AMMECR1: variants seen among roughly 807,000 people sequenced by gnomAD.
AMMECR1 encodes the protein nuclear protein AMMECR1.
In AMMECR1, 3 loss-of-function variants were observed where a neutral mutation model predicts 22.5. The ratio of observed to expected loss-of-function variants is 0.13; its 90% CI spans 0.06 to 0.35. AMMECR1 has a LOEUF of 0.35. Ranked by LOEUF, AMMECR1 falls within the 10% of genes least tolerant of loss-of-function variation. AMMECR1 has a pLI of 1.00. For missense variants in AMMECR1, 235 were observed against 278.7 expected, an observed-to-expected ratio of 0.84 and a Z score of 1.12; for synonymous variants, 130 against 116.7, an observed-to-expected ratio of 1.11 and a Z score of -0.74.
chrX:110,315,281 T>C (rs749501059), intron 1 of AMMECR1, among the ~76,000 whole-genome samples: 2 of 112,421 alleles, frequency 1.8e-5, no homozygotes, highest in East Asian at 5.6e-4. Context: ...GAGTTGAAGA[T>C]AAATGGAAAT....
At chrX:110,414,388 CT>C (rs1289197728) in intron 2 of AMMECR1, among the ~76,000 whole-genome samples, 1 of 112,411 alleles carries the variant, frequency 8.9e-6, no homozygotes, top group East Asian at 2.8e-4. Flanking sequence ...CCATGCCAGC[CT>C]TTAAGAAAGG....
At chrX:110,369,952 C>G (rs1385948843) in intron 2 of AMMECR1, among the ~76,000 whole-genome samples, 3 of 110,649 alleles carry the variant, frequency 2.7e-5, no homozygotes, top group Middle Eastern at 9.2e-3. Context: ...ACATGTATAT[C>G]TTTTAGCAGA....
chrX:110,262,160 C>A (rs1013017628), intron 2 of AMMECR1, among the ~76,000 whole-genome samples: 2 of 111,921 alleles, frequency 1.8e-5, no homozygotes, highest in African/African-American at 6.5e-5. Context: ...ACTTTTGATG[C>A]TAAAATGAAT....
intron 2 of AMMECR1, among the ~76,000 whole-genome samples, chrX:110,362,532 C>T (rs2068270860): frequency 8.9e-6 from 1 of 112,143 alleles, no homozygotes; most frequent in Admixed American, 9.5e-5. Flanking sequence ...TGAAGTACTC[C>T]CAGAAGCTGG....
chrX:110,236,534 A>G (rs2067602351), intron 2 of AMMECR1, among the ~76,000 whole-genome samples: 1 of 112,289 alleles, frequency 8.9e-6, no homozygotes, highest in Non-Finnish European at 1.9e-5. Context: ...TGGACTCTTT[A>G]TCCCCATGTA....
chrX:110,305,876 G>A (rs760315507), intron 1 of AMMECR1, among the ~76,000 whole-genome samples: 18 of 110,788 alleles, frequency 1.6e-4, no homozygotes, highest in Admixed American at 2.9e-4. Context: ...ACAGCAACTC[G>A]GGAGGTTGAG....
At chrX:110,358,610 C>T (rs937437127) in intron 2 of AMMECR1, among the ~76,000 whole-genome samples, 1 of 111,615 alleles carries the variant, frequency 9.0e-6, no homozygotes, top group Non-Finnish European at 1.9e-5. Context: ...TGCTTGATTA[C>T]AAAGCCATTG....
intron 2 of AMMECR1, among the ~76,000 whole-genome samples, chrX:110,355,316 C>T (rs1244440089): frequency 8.9e-6 from 1 of 112,007 alleles, no homozygotes; most frequent in Admixed American, 9.5e-5. Context: ...GGGAGGATCA[C>T]CTGAGCCCAG....
At chrX:110,320,259 G>A (rs1197535007), upstream of AMMECR1, among the ~76,000 whole-genome samples, 2 of 111,643 alleles carry the variant, frequency 1.8e-5, no homozygotes, top group African/African-American at 6.5e-5. Context: ...GGTATGTTAG[G>A]GTGTTTTGTA....
At chrX:110,393,413 C>T (rs1243759697) in intron 2 of AMMECR1, among the ~76,000 whole-genome samples, 1 of 111,980 alleles carries the variant, frequency 8.9e-6, no homozygotes, top group Admixed American at 9.4e-5. Flanking sequence ...AACAGCCCTA[C>T]AAGGCAGATA....
At chrX:110,334,563 T>C (rs2068133485) in intron 2 of AMMECR1, among the ~76,000 whole-genome samples, 1 of 112,212 alleles carries the variant, frequency 8.9e-6, no homozygotes, top group South Asian at 3.7e-4. Flanking sequence ...ATATATTTAT[T>C]ATCTTAATCT....
chrX:110,312,552 T>C (rs748841624), intron 1 of AMMECR1, among the ~76,000 whole-genome samples: 4 of 112,080 alleles, frequency 3.6e-5, no homozygotes, highest in East Asian at 2.8e-4. Flanking sequence ...TTTGGCCATA[T>C]GGGGGAGAAA....
chrX:110,298,597 C>T (rs747036431), intron 1 of AMMECR1, among the ~76,000 whole-genome samples: 29 of 111,313 alleles, frequency 2.6e-4, no homozygotes, highest in South Asian at 7.6e-4. Flanking sequence ...TCTCTCTTAA[C>T]GTAGCACCTA....
intron 1 of AMMECR1, among the ~76,000 whole-genome samples, chrX:110,310,420 A>C (rs1252353021): frequency 2.7e-5 from 3 of 110,885 alleles, no homozygotes; most frequent in Non-Finnish European, 3.8e-5. Flanking sequence ...GTAGTCACCT[A>C]ATCACAGGTC....
chrX:110,335,082 T>C lies in AMMECR1; in HGVS notation c.-147-17233A>G, dbSNP rs191530467. 4.3e-3 allele frequency among the ~76,000 whole-genome samples: 480 copies of C among 112,065 alleles called. 2 individuals carry two copies. The highest frequency in any genetic ancestry group is 5.3e-3 in the Non-Finnish European group (284 of 53,216). ...ATTCTACCACATAACAACTACATGATATTAGACAAATCATTTAATTTCAGC... is the reference window on the plus strand; with the variant it reads ...ATTCTACCACATAACAACTACATGACATTAGACAAATCATTTAATTTCAGC... On this transcript the variant is annotated intron_variant, in intron 2 of 7. Coordinates refer to the AMMECR1 transcript ENST00000372057.
intron 2 of AMMECR1, among the ~76,000 whole-genome samples, chrX:110,245,699 A>G (rs1246071751): frequency 7.3e-5 from 8 of 110,132 alleles, no homozygotes; most frequent in Non-Finnish European, 1.3e-4. Flanking sequence ...TTATTTTTGT[A>G]TCAAGCAGAA....
At chrX:110,346,645 T>C in intron 2 of AMMECR1, 1 of 564,495 alleles carries the variant, frequency 1.8e-6, no homozygotes, top group Non-Finnish European at 3.2e-6. Context: ...TGTATCTCTC[T>C]TGAATATTCA....
chrX:110,339,349 A>G, intron 2 of AMMECR1, among the ~76,000 whole-genome samples: 1 of 104,671 alleles, frequency 9.6e-6, no homozygotes, highest in Non-Finnish European at 2.0e-5. Flanking sequence ...GAATTGCAAA[A>G]GGACACTGAG....
chrX:110,399,526 T>C (rs2068550287), intron 2 of AMMECR1, among the ~76,000 whole-genome samples: 1 of 112,433 alleles, frequency 8.9e-6, no homozygotes, highest in Non-Finnish European at 1.9e-5. Flanking sequence ...CTTAAAAAGA[T>C]TTGTTCACAG....
Sources: gnomAD v4.1 joint callset for allele counts (sites outside exome capture counted in the v4.1 genomes callset) on GRCh38, gnomAD v4.1.1 for gene constraint, MANE v1.5 for transcripts, NCBI Gene and HGNC (gene_info 2026-07-23, HGNC 2026-07-21) for gene names.